The following ERICH1 variants were observed in gnomAD, a reference collection of about 807,000 sequenced individuals.
The protein encoded by ERICH1 is glutamate rich 1, also known as glutamate-rich protein 1.
ERICH1 carries 56 observed loss-of-function variants against 39.6 expected under a neutral mutation model. The observed-to-expected ratio is 1.41, with a 90% CI of 1.14 to 1.77. The LOEUF is 1.77. Ranked by LOEUF, ERICH1 falls within the 40% of genes most tolerant of loss-of-function variation. ERICH1 has a pLI of 0.00. For missense variants in ERICH1, 826 were observed against 575.4 expected (o/e 1.44, Z -4.45); for synonymous variants, 313 against 223.6 (o/e 1.40, Z -3.57).
rs1803872761 is a variant in ERICH1, at chr8:673,370, C to G, written c.982G>C (p.Glu328Gln). The change falls in exon 4 of 6, where the codon GAA becomes CAA. Residue 328 changes from glutamate to glutamine, a missense_variant. Glu to Gln is a conservative substitution (Grantham distance 29). Coordinates refer to ENST00000262109, the MANE Select transcript of ERICH1 (RefSeq NM_207332.3). ...TTTTCATTGGTAATTGTATCATCTT[C>G]CTCGCTGGCGTCTGCACCGTCCTCC... ...GEEDGADASEEDDTITNEKAH... is the reference protein window; with the variant it reads ...GEEDGADASEQDDTITNEKAH... The G allele has an allele frequency of 6.2e-7, 1 of 1,614,084 alleles. No individual in the cohort carries two copies. Among genetic ancestry groups the G allele is most frequent in the African/African-American group, 1.3e-5 (1 of 74,948 alleles).
intron 3 of ERICH1, among the ~76,000 whole-genome samples, chr8:623,024 A>G (rs1797384473): frequency 6.6e-6 from 1 of 152,118 alleles, no homozygotes; most frequent in East Asian, 1.9e-4. Context: ...GTCAATACCA[A>G]TCCTACCAAA....
At chr8:643,152 A>G (rs1438471521) in intron 3 of ERICH1, among the ~76,000 whole-genome samples, 2 of 152,300 alleles carry the variant, frequency 1.3e-5, no homozygotes, top group African/African-American at 4.8e-5. Flanking sequence ...TCCCGTCCAC[A>G]GCCGGGGACT....
chr8:672,976 T>C (rs1369238126), intron 4 of ERICH1, among the ~76,000 whole-genome samples: 4 of 152,198 alleles, frequency 2.6e-5, no homozygotes, highest in Non-Finnish European at 5.9e-5. Flanking sequence ...AACCTGACCT[T>C]AGAGGCATGG....
In ERICH1 at chr8:643,604, C is replaced by T. The variant is rs114268854; in HGVS notation, c.976+24994G>A. On this transcript the variant is annotated intron_variant, in intron 3 of 3. Transcript: ENST00000522706. ...TCACCTTTGAAGAAAACCACATTCC[C>T]GCCAAGTCTGCCTTCCTCAAAGGAT... Among the ~76,000 whole-genome samples, 533 of 152,266 alleles carry T rather than the reference C, an allele frequency of 3.5e-3. 6 individuals are homozygous for T. The highest frequency in any genetic ancestry group is 0.01 in the Middle Eastern group (3 of 294).
chr8:707,207 TC>T (rs923192963), intron 2 of ERICH1, among the ~76,000 whole-genome samples: 13 of 109,512 alleles, frequency 1.2e-4, no homozygotes, highest in Admixed American at 4.2e-4. Context: ...TTTTTTTGTT[TC>T]TTTTTTTTTT....
chr8:649,972 G>A (rs1799737263), intron 3 of ERICH1, among the ~76,000 whole-genome samples: 2 of 152,206 alleles, frequency 1.3e-5, no homozygotes, highest in Admixed American at 6.5e-5. Context: ...GCGACATCTG[G>A]CACCTGGGGC....
chr8:691,998 G>A (rs931509173), intron 3 of ERICH1, among the ~76,000 whole-genome samples: 1 of 152,076 alleles, frequency 6.6e-6, no homozygotes, highest in Non-Finnish European at 1.5e-5. Flanking sequence ...TCTTTCATTC[G>A]TACGACATGC....
At chr8:629,365 G>C (rs866314527) in intron 3 of ERICH1, among the ~76,000 whole-genome samples, 1 of 149,512 alleles carries the variant, frequency 6.7e-6, no homozygotes, top group African/African-American at 2.5e-5. Context: ...CACACACACA[G>C]AGCTGACTCA....
chr8:637,815 G>A (rs1251133146), intron 3 of ERICH1, among the ~76,000 whole-genome samples: 2 of 152,180 alleles, frequency 1.3e-5, no homozygotes, highest in Non-Finnish European at 2.9e-5. Flanking sequence ...CTTGCCTGAC[G>A]TCCAGACCCC....
intron 3 of ERICH1, among the ~76,000 whole-genome samples, chr8:618,373 C>T (rs1443418683): frequency 6.6e-6 from 1 of 152,018 alleles, no homozygotes; most frequent in Admixed American, 6.5e-5. Context: ...TCTGTCCTCA[C>T]TGCCCTCTGA....
intron 3 of ERICH1, among the ~76,000 whole-genome samples, chr8:624,260 T>G (rs1012925454): frequency 1.3e-5 from 2 of 152,138 alleles, no homozygotes; most frequent in African/African-American, 2.4e-5. Context: ...GGAGAGGATG[T>G]GAAGATATCG....
At chr8:634,009 C>G (rs374602676) in intron 3 of ERICH1, among the ~76,000 whole-genome samples, 1 of 152,090 alleles carries the variant, frequency 6.6e-6, no homozygotes, top group South Asian at 2.1e-4. Flanking sequence ...CAGGCGACAA[C>G]AGAAAAAGCA....
In ERICH1 at chr8:664,308, T is replaced by G. The variant is rs1801864086; in HGVS notation, c.*295A>C. The G allele has an allele frequency of 9.4e-7, 1 of 1,062,054 alleles. No individual in the cohort carries two copies. Among genetic ancestry groups the G allele is most frequent in the Admixed American group, 5.0e-5 (1 of 19,888 alleles). 65.8% of individuals were successfully genotyped at this position (1,062,054 alleles called of 1,614,324 possible). A position where few individuals can be genotyped will look rare whatever the true frequency, so the allele number is the denominator to read the frequency against. ...AAATATATGAGCTTCAAACTATACA[T>G]TTAACTTAACAGAATGTCCATTTTC... On this transcript the variant is annotated 3_prime_UTR_variant, in exon 6 of 6. Transcript: ENST00000262109.
chr8:688,050 CG>C (rs1218358882), intron 3 of ERICH1, among the ~76,000 whole-genome samples: 2 of 152,114 alleles, frequency 1.3e-5, no homozygotes, highest in Non-Finnish European at 2.9e-5. Context: ...GGGAGACGCG[CG>C]GCGGCGCGCG....
At chr8:707,206 TTC>T (rs1491239891) in intron 2 of ERICH1, among the ~76,000 whole-genome samples, 1 of 118,452 alleles carries the variant, frequency 8.4e-6, no homozygotes, top group Non-Finnish European at 1.9e-5. Context: ...TTTTTTTTGT[TTC>T]TTTTTTTTTT....
chr8:676,576 G>A (rs189393524), intron 3 of ERICH1, among the ~76,000 whole-genome samples: 1 of 152,306 alleles, frequency 6.6e-6, no homozygotes, highest in Admixed American at 6.5e-5. Context: ...TGACAGAAGG[G>A]TATCAGATAA....
intron 3 of ERICH1, among the ~76,000 whole-genome samples, chr8:631,679 C>G (rs982716879): frequency 2.0e-5 from 3 of 152,158 alleles, no homozygotes; most frequent in African/African-American, 7.2e-5. Flanking sequence ...CCACCAGAGC[C>G]CTTTTTCAGT....
chr8:716,117 C>T, intron 1 of ERICH1, 110 bp from the exon 2 acceptor site: 1 of 1,333,152 alleles, frequency 7.5e-7, no homozygotes, highest in Non-Finnish European at 1.0e-6. Flanking sequence ...CTGAAAGCAC[C>T]AACGGAGACC....
rs1797778062 is a variant in ERICH1, at chr8:629,284, G to A, written c.977-14000C>T. On this transcript the variant is annotated intron_variant, in intron 3 of 3. Coordinates refer to the ERICH1 transcript ENST00000522706. The stretch of plus-strand genomic sequence containing the variant: ...ACACACAGATGACCAACTACATGAC[G>A]TACAGCTGACTCACACCCTCCCGTG... Among the ~76,000 whole-genome samples the A allele has an allele frequency of 2.0e-5, 3 of 151,742 alleles. No individual in the cohort carries two copies. In the South Asian group the frequency reaches 6.2e-4, roughly 32 times the overall value.
Sources: gnomAD v4.1 joint callset for allele counts (sites outside exome capture counted in the v4.1 genomes callset) on GRCh38, gnomAD v4.1.1 for gene constraint, MANE v1.5 for transcripts, NCBI Gene and HGNC (gene_info 2026-07-23, HGNC 2026-07-21) for gene names.